SLC24A2: variants seen among roughly 807,000 people sequenced by gnomAD.
SLC24A2 encodes the protein sodium/potassium/calcium exchanger 2.
SLC24A2 carries 36 observed loss-of-function variants against 62.0 expected under a neutral mutation model. The ratio of observed to expected loss-of-function variants is 0.58; its 90% confidence interval spans 0.44 to 0.77. The LOEUF is 0.77. SLC24A2 is among the 30% of genes least tolerant of loss of function. The pLI, the probability that SLC24A2 is intolerant of heterozygous loss-of-function variation, is 0.00. For synonymous variants in SLC24A2, 358 were observed against 294.0 expected, an observed-to-expected ratio of 1.22 and a Z score of -2.23; for missense variants, 846 against 817.9, an observed-to-expected ratio of 1.03 and a Z score of -0.42.
At chr9:20,051,644 G>GT in the SLC24A2 span, among the ~76,000 whole-genome samples, 6 of 83,414 alleles carry the variant, frequency 7.2e-5, no homozygotes, top group African/African-American at 9.8e-5. Context: ...TTTCTGTGAG[G>GT]TTTTTTCTTT....
At chr9:19,832,382 A>AT in the SLC24A2 span, among the ~76,000 whole-genome samples, 1 of 152,258 alleles carries the variant, frequency 6.6e-6, no homozygotes, top group African/African-American at 2.4e-5. Flanking sequence ...GATATGAGTC[A>AT]TTTAAACAAG....
At chr9:19,936,992 T>G in the SLC24A2 span, among the ~76,000 whole-genome samples, 2 of 152,310 alleles carry the variant, frequency 1.3e-5, no homozygotes, top group Non-Finnish European at 2.9e-5. Context: ...CCCACACATA[T>G]GTATTACTTT....
intron 2 of SLC24A2, among the ~76,000 whole-genome samples, chr9:19,711,441 T>C (rs1019371125): frequency 6.6e-6 from 1 of 152,136 alleles, no homozygotes; most frequent in Non-Finnish European, 1.5e-5. Flanking sequence ...TGACAACCAA[T>C]GCCATAAACA....
At chr9:20,288,295 T>G in the SLC24A2 span, among the ~76,000 whole-genome samples, 1 of 152,112 alleles carries the variant, frequency 6.6e-6, no homozygotes, top group African/African-American at 2.4e-5. Context: ...ATATGGCAGT[T>G]TGTATTTTCC....
the SLC24A2 span, among the ~76,000 whole-genome samples, chr9:20,085,678 G>C: frequency 6.6e-6 from 1 of 152,064 alleles, no homozygotes; most frequent in South Asian, 2.1e-4. Context: ...ATTAATATAT[G>C]TTTCCAATTT....
chr9:20,265,123 C>A, the SLC24A2 span, among the ~76,000 whole-genome samples: 99 of 152,346 alleles, frequency 6.5e-4, no homozygotes, highest in Admixed American at 5.9e-4. Flanking sequence ...AGATCCATAT[C>A]AATGGCTGCC....
At chr9:20,129,189 A>T in the SLC24A2 span, among the ~76,000 whole-genome samples, 1 of 152,184 alleles carries the variant, frequency 6.6e-6, no homozygotes, top group Non-Finnish European at 1.5e-5. Context: ...AGCTCATGAA[A>T]ATATGCTCAG....
chr9:19,885,845 T>C, the SLC24A2 span, among the ~76,000 whole-genome samples: 2 of 152,294 alleles, frequency 1.3e-5, no homozygotes, highest in Admixed American at 1.3e-4. Context: ...TGAGAACATG[T>C]GGTACTTGGT....
rs569855459 is a variant in SLC24A2, at chr9:19,634,539, C to T, written c.931-12240G>A. On this transcript the variant is annotated intron_variant, in intron 2 of 10. Coordinates refer to ENST00000341998, the MANE Select transcript of SLC24A2 (RefSeq NM_020344.4). ...CCAACCTCAGGTGATCCGCCCACCTCGGCCTCCCAAAGTGCCGGGATTATA... is the reference window on the plus strand; with the variant it reads ...CCAACCTCAGGTGATCCGCCCACCTTGGCCTCCCAAAGTGCCGGGATTATA... Among the ~76,000 whole-genome samples, 5 of 152,208 alleles carry T rather than the reference C, an allele frequency of 3.3e-5. No individual in the cohort carries two copies. The South Asian group carries it at 6.2e-4, about 19-fold the overall frequency.
At chr9:19,687,766 G>C (rs534331217) in intron 2 of SLC24A2, among the ~76,000 whole-genome samples, 3 of 152,128 alleles carry the variant, frequency 2.0e-5, no homozygotes, top group African/African-American at 7.2e-5. Flanking sequence ...GTCTTGATTA[G>C]CACCCCAAGT....
intron 2 of SLC24A2, among the ~76,000 whole-genome samples, chr9:19,745,621 G>A (rs996219241): frequency 1.3e-5 from 2 of 152,270 alleles, no homozygotes; most frequent in African/African-American, 2.4e-5. Context: ...ACCTGTGAGT[G>A]TACCTGTTGC....
intron 8 of SLC24A2, among the ~76,000 whole-genome samples, chr9:19,536,126 G>A (rs1161434241): frequency 1.3e-5 from 2 of 149,032 alleles, no homozygotes; most frequent in African/African-American, 4.9e-5. Context: ...GTTCACTCAT[G>A]ATTTGGCTCT....
chr9:19,839,983 G>T, the SLC24A2 span, among the ~76,000 whole-genome samples: 1 of 152,152 alleles, frequency 6.6e-6, no homozygotes, highest in Non-Finnish European at 1.5e-5. Context: ...AGTACACTCT[G>T]TGTTGTTTGA....
At chr9:20,030,645 C>G in the SLC24A2 span, among the ~76,000 whole-genome samples, 1 of 152,218 alleles carries the variant, frequency 6.6e-6, no homozygotes, top group Non-Finnish European at 1.5e-5. Context: ...TGCAGCATCA[C>G]TTACAGACTT....
intron 7 of SLC24A2, among the ~76,000 whole-genome samples, chr9:19,557,153 T>TTCCACACTCCCCAC: frequency 6.6e-6 from 1 of 152,182 alleles, no homozygotes; most frequent in Non-Finnish European, 1.5e-5. Flanking sequence ...TCTTCCCCTA[T>TTCCACACTCCCCAC]TCCACACTCC....
chr9:19,567,636 A>AATTTATAT (rs2132828124), intron 7 of SLC24A2, among the ~76,000 whole-genome samples: 1 of 151,158 alleles, frequency 6.6e-6, no homozygotes, highest in Non-Finnish European at 1.5e-5. Flanking sequence ...TAATGTGATT[A>AATTTATAT]ATTTATATAC....
At chr9:19,637,861 G>T (rs1265294383) in intron 2 of SLC24A2, among the ~76,000 whole-genome samples, 2 of 152,128 alleles carry the variant, frequency 1.3e-5, no homozygotes, top group African/African-American at 4.8e-5. Context: ...GAGAGGACAG[G>T]TGTGGAATAC....
At chr9:19,964,387 A>AATAAT in the SLC24A2 span, among the ~76,000 whole-genome samples, 18 of 152,018 alleles carry the variant, frequency 1.2e-4, no homozygotes, top group African/African-American at 2.2e-4. Flanking sequence ...ATAATAATAA[A>AATAAT]AAAAGGAGTT....
chr9:20,034,284 G>C, the SLC24A2 span, among the ~76,000 whole-genome samples: 1 of 151,890 alleles, frequency 6.6e-6, no homozygotes, highest in African/African-American at 2.4e-5. Context: ...CATAAGATTT[G>C]CTCTATGCAA....
Sources: allele counts gnomAD v4.1 joint callset (sites outside exome capture counted in the v4.1 genomes callset), GRCh38; gene constraint gnomAD v4.1.1; transcripts MANE v1.5; gene names NCBI Gene and HGNC (gene_info 2026-07-23, HGNC 2026-07-21).